ANO3: variants seen among roughly 807,000 people sequenced by gnomAD.
ANO3 encodes the protein anoctamin 3.
ANO3 carries 99 observed loss-of-function variants against 144.8 expected under a neutral mutation model. That is an observed-to-expected ratio of 0.68 (90% CI 0.58 to 0.81). ANO3 has a LOEUF of 0.81. Ranked by LOEUF, ANO3 falls within the 30% of genes least tolerant of loss-of-function variation. ANO3 has a pLI of 0.00. For missense variants in ANO3, 905 were observed against 1,202.2 expected (o/e 0.75, Z 3.66); for synonymous variants, 414 against 392.6 (o/e 1.05, Z -0.64).
intron 1 of ANO3, among the ~76,000 whole-genome samples, chr11:26,272,046 T>C (rs1853450785): frequency 6.6e-6 from 1 of 152,078 alleles, no homozygotes; most frequent in East Asian, 1.9e-4. Flanking sequence ...GTTTTGAGTA[T>C]CTATTGAAAA....
intron 1 of ANO3, among the ~76,000 whole-genome samples, chr11:26,239,070 T>A (rs1421878664): frequency 6.7e-6 from 1 of 150,226 alleles, no homozygotes; most frequent in Non-Finnish European, 1.5e-5. Context: ...ATAATTTGGA[T>A]TAACTGTAAA....
intron 1 of ANO3, among the ~76,000 whole-genome samples, chr11:26,366,269 T>C (rs1462466292): frequency 6.6e-6 from 1 of 152,140 alleles, no homozygotes; most frequent in Non-Finnish European, 1.5e-5. Flanking sequence ...CTTGCGATAG[T>C]TGGCTGAGAA....
At chr11:26,421,509 C>A in intron 1 of ANO3, among the ~76,000 whole-genome samples, 1 of 151,994 alleles carries the variant, frequency 6.6e-6, no homozygotes, top group East Asian at 1.9e-4. Flanking sequence ...TGAAGACTTA[C>A]TAAGCCCCAC....
chr11:26,309,701 A>G, exon 1 of ANO3: 1 of 985,308 alleles, frequency 1.0e-6, no homozygotes, highest in Non-Finnish European at 1.2e-6. Context: ...GTGGGCTGCC[A>G]AAGGCAAATA....
At chr11:26,505,843 C>T (rs912022353) in intron 4 of ANO3, among the ~76,000 whole-genome samples, 1 of 151,666 alleles carries the variant, frequency 6.6e-6, no homozygotes, top group East Asian at 1.9e-4. Flanking sequence ...AGTAGCTGGG[C>T]GTGGTGGCGG....
At chr11:26,277,979 T>C (rs1853594463) in intron 1 of ANO3, among the ~76,000 whole-genome samples, 1 of 152,082 alleles carries the variant, frequency 6.6e-6, no homozygotes, top group African/African-American at 2.4e-5. Context: ...ATTCAATATA[T>C]GGTTTTCCTT....
At chr11:26,301,566 A>G (rs10834959) in intron 1 of ANO3, among the ~76,000 whole-genome samples, 18,397 of 152,080 alleles carry the variant, frequency 0.12, 2,703 homozygotes, top group African/African-American at 0.35. Flanking sequence ...GTAGAATGGA[A>G]GATCTAGTAT....
chr11:26,545,419 C>T (rs1268800199), intron 11 of ANO3, among the ~76,000 whole-genome samples: 1 of 151,942 alleles, frequency 6.6e-6, no homozygotes, highest in Non-Finnish European at 1.5e-5. Flanking sequence ...TAAATTTAAA[C>T]ATTTTGTAGC....
At chr11:26,285,743 A>G (rs1024835333) in intron 1 of ANO3, 4 of 152,198 alleles carry the variant, frequency 2.6e-5, no homozygotes, top group Non-Finnish European at 5.9e-5. Flanking sequence ...TGTTGGTTTC[A>G]GATACAATGA....
At chr11:26,490,381 C>T (rs746241517) in intron 4 of ANO3, among the ~76,000 whole-genome samples, 2 of 152,188 alleles carry the variant, frequency 1.3e-5, no homozygotes, top group African/African-American at 2.4e-5. Flanking sequence ...TGGACTAACA[C>T]TTTTCTTGCA....
At position 26,442,003 on chromosome 11, in the gene ANO3, C is replaced by G. The variant is rs775066580; in HGVS notation, c.132C>G (p.Tyr44Ter). The change falls in exon 2 of 27, where the codon TAC becomes TAG. Residue 44 changes from tyrosine (Y) to a stop codon, truncating the protein, a stop_gained. Transcript: ENST00000256737. LOFTEE classifies it high-confidence loss of function. ...CCCTGCCTTGCCTCGCCCAGAGCTACGCTTACTCAAAGAGCTTGAGCCAGT... is the reference window on the plus strand; with the variant it reads ...CCCTGCCTTGCCTCGCCCAGAGCTAGGCTTACTCAAAGAGCTTGAGCCAGT... ...RRSLPCLAQS[Y>*]AYSKSLSQST... 1.2e-6 allele frequency: 2 copies of G among 1,614,124 alleles called. No individual in the cohort carries two copies. Among genetic ancestry groups the G allele is most frequent in the Non-Finnish European group, 1.7e-6 (2 of 1,179,970 alleles).
intron 1 of ANO3, among the ~76,000 whole-genome samples, chr11:26,289,191 A>G (rs963137381): frequency 4.0e-5 from 6 of 150,944 alleles, no homozygotes; most frequent in Non-Finnish European, 7.4e-5. Context: ...AATGACAGGC[A>G]AAAAAAAAGT....
chr11:26,499,717 A>T (rs1055853387), intron 4 of ANO3, among the ~76,000 whole-genome samples: 1 of 151,844 alleles, frequency 6.6e-6, no homozygotes, highest in African/African-American at 2.4e-5. Context: ...TGAACTGTAA[A>T]TTCCTATGTT....
chr11:26,349,407 A>T (rs1855577352), intron 1 of ANO3, among the ~76,000 whole-genome samples: 1 of 151,898 alleles, frequency 6.6e-6, no homozygotes, highest in Non-Finnish European at 1.5e-5. Context: ...TCATTCACAC[A>T]TGTCTCAAGT....
At chr11:26,285,163 T>G (rs1853776694) in intron 1 of ANO3, among the ~76,000 whole-genome samples, 1 of 152,190 alleles carries the variant, frequency 6.6e-6, no homozygotes, top group Admixed American at 6.5e-5. Context: ...CTTAATAAAG[T>G]TCACTTTGTT....
intron 1 of ANO3, among the ~76,000 whole-genome samples, chr11:26,359,769 ATC>A (rs937415735): frequency 5.9e-5 from 9 of 152,272 alleles, no homozygotes; most frequent in African/African-American, 2.2e-4. Context: ...ACAGATTATT[ATC>A]TGTTAGCGGC....
chr11:26,342,500 C>G (rs1404833713), intron 1 of ANO3, among the ~76,000 whole-genome samples: 2 of 152,080 alleles, frequency 1.3e-5, no homozygotes, highest in African/African-American at 4.8e-5. Context: ...ATGTAGAATT[C>G]AAGATGCCAT....
intron 1 of ANO3, among the ~76,000 whole-genome samples, chr11:26,321,406 TC>T (rs1854758117): frequency 6.6e-6 from 1 of 152,028 alleles, no homozygotes; most frequent in South Asian, 2.1e-4. Context: ...TATATTAAGT[TC>T]CCCTGGAAAG....
intron 13 of ANO3, among the ~76,000 whole-genome samples, chr11:26,556,433 A>T (rs1268396041): frequency 6.6e-6 from 1 of 152,020 alleles, no homozygotes; most frequent in African/African-American, 2.4e-5. Context: ...CAGAAGTAGG[A>T]GAGAAGCTGT....
Sources: allele counts gnomAD v4.1 joint callset (sites outside exome capture counted in the v4.1 genomes callset), GRCh38; gene constraint gnomAD v4.1.1; transcripts MANE v1.5; gene names NCBI Gene and HGNC (gene_info 2026-07-23, HGNC 2026-07-21).